SH2D4A: variants seen among roughly 807,000 people sequenced by gnomAD.
The protein encoded by SH2D4A is SH2 domain containing 4A.
In SH2D4A, 70 loss-of-function variants were observed where a neutral mutation model predicts 64.7. That is an observed-to-expected ratio of 1.08 (90% CI 0.89 to 1.32). The LOEUF (loss-of-function observed/expected upper bound fraction) is 1.32. Among genes scored for constraint, SH2D4A ranks in the 40% most tolerant of loss-of-function variants. The pLI, the probability that SH2D4A is intolerant of heterozygous loss-of-function variation, is 0.00. For synonymous variants in SH2D4A, 268 were observed against 200.7 expected (o/e 1.34, Z -2.83); for missense variants, 706 against 540.1 (o/e 1.31, Z -3.04).
At position 19,340,232 on chromosome 8, in the gene SH2D4A, G is replaced by A. The variant is rs78385310; in HGVS notation, c.513+5375G>A. Among the ~76,000 whole-genome samples the A allele has an allele frequency of 5.8e-3, 880 of 152,218 alleles. 10 individuals are homozygous for A. The highest frequency in any genetic ancestry group is 0.02 in the African/African-American group (833 of 41,534). ...GTGCAGAAGCAGGGAAAGCATTGTC[G>A]GGGGGTGGGGCAGGGCCAGGCAAGA... On this transcript the variant is annotated intron_variant, in intron 4 of 9. Coordinates refer to ENST00000265807, the MANE Select transcript of SH2D4A (RefSeq NM_022071.4).
chr8:19,339,255 G>C (rs1286044886), intron 4 of SH2D4A, among the ~76,000 whole-genome samples: 1 of 152,182 alleles, frequency 6.6e-6, no homozygotes, highest in East Asian at 1.9e-4. Flanking sequence ...CAGCTAATTA[G>C]ATGGTGCCCA....
chr8:19,387,327 T>C (rs978573597), intron 8 of SH2D4A, among the ~76,000 whole-genome samples: 1 of 115,364 alleles, frequency 8.7e-6, no homozygotes, highest in Non-Finnish European at 1.8e-5. Flanking sequence ...ACCCAGCTAA[T>C]AGTTTTTGTT....
intron 8 of SH2D4A, among the ~76,000 whole-genome samples, chr8:19,381,123 C>T (rs1340131819): frequency 2.6e-5 from 4 of 151,640 alleles, no homozygotes; most frequent in South Asian, 2.1e-4. Context: ...GATCTTTGCT[C>T]ACTGCAACCT....
intron 2 of SH2D4A, among the ~76,000 whole-genome samples, chr8:19,327,475 A>T (rs2117193300): frequency 6.6e-6 from 1 of 152,324 alleles, no homozygotes; most frequent in East Asian, 1.9e-4. Flanking sequence ...GCTTACAGAA[A>T]TGGGGTTCTG....
intron 4 of SH2D4A, among the ~76,000 whole-genome samples, 153 bp downstream of exon 4, chr8:19,335,010 A>G (rs1045795349): frequency 1.6e-4 from 25 of 152,048 alleles, no homozygotes; most frequent in Non-Finnish European, 2.5e-4. Context: ...CAGGGCAGGC[A>G]CGGTGGCTCA....
chr8:19,348,830 G>A (rs2052653693), intron 4 of SH2D4A, among the ~76,000 whole-genome samples: 1 of 152,120 alleles, frequency 6.6e-6, no homozygotes. Context: ...TGAGTAGGCG[G>A]GGTTGAGAAG....
intron 3 of SH2D4A, among the ~76,000 whole-genome samples, chr8:19,334,260 A>G (rs935977978): frequency 1.3e-5 from 2 of 152,202 alleles, no homozygotes; most frequent in Non-Finnish European, 2.9e-5. Context: ...TGGACTTTCA[A>G]GGGCTGGGAT....
chr8:19,390,413 C>T (rs1413393333), intron 8 of SH2D4A, among the ~76,000 whole-genome samples: 1 of 152,082 alleles, frequency 6.6e-6, no homozygotes, highest in African/African-American at 2.4e-5. Context: ...CAATATCTAA[C>T]ATTAGATTTT....
intron 8 of SH2D4A, among the ~76,000 whole-genome samples, chr8:19,385,074 C>G (rs960681044): frequency 6.6e-6 from 1 of 152,166 alleles, no homozygotes; most frequent in African/African-American, 2.4e-5. Flanking sequence ...TTGTGGCTGT[C>G]TTTTGCTGTC....
chr8:19,366,017 A>T (rs11998085), intron 7 of SH2D4A, among the ~76,000 whole-genome samples: 15,091 of 150,950 alleles, frequency 0.1, 2,322 homozygotes, highest in African/African-American at 0.33. Context: ...CATATGTACA[A>T]CTATATATAT....
intron 1 of SH2D4A, among the ~76,000 whole-genome samples, chr8:19,314,571 C>A: frequency 6.6e-6 from 1 of 152,200 alleles, no homozygotes; most frequent in African/African-American, 2.4e-5. Context: ...TGTAGGTTTT[C>A]TGAGTTGTCT....
At chr8:19,318,797 A>G (rs1326740964) in intron 1 of SH2D4A, among the ~76,000 whole-genome samples, 2 of 152,128 alleles carry the variant, frequency 1.3e-5, no homozygotes, top group Non-Finnish European at 2.9e-5. Context: ...TTGTTTATTT[A>G]ATGCTACTTT....
At chr8:19,390,271 C>A (rs1331585560) in intron 8 of SH2D4A, among the ~76,000 whole-genome samples, 1 of 152,138 alleles carries the variant, frequency 6.6e-6, no homozygotes, top group Non-Finnish European at 1.5e-5. Flanking sequence ...ATCCCAGCTA[C>A]ACAGGAGGCT....
At chr8:19,325,676 C>A (rs945905104) in intron 2 of SH2D4A, among the ~76,000 whole-genome samples, 1 of 152,188 alleles carries the variant, frequency 6.6e-6, no homozygotes, top group African/African-American at 2.4e-5. Flanking sequence ...TTCTATACTG[C>A]CCTCTGCTTC....
intron 4 of SH2D4A, 104 bp downstream of exon 4, chr8:19,334,961 G>C (rs2052421643): frequency 7.5e-7 from 1 of 1,327,876 alleles, no homozygotes; most frequent in Non-Finnish European, 1.0e-6. Context: ...TCCTCCAGTG[G>C]CTTTCTTGGG....
chr8:19,390,207 C>G (rs563393155), intron 8 of SH2D4A, among the ~76,000 whole-genome samples: 29 of 152,184 alleles, frequency 1.9e-4, no homozygotes, highest in African/African-American at 6.3e-4. Flanking sequence ...ATGGTAAAAC[C>G]CTATCTCTGC....
intron 4 of SH2D4A, among the ~76,000 whole-genome samples, chr8:19,353,967 C>T (rs2052750056): frequency 6.7e-6 from 1 of 149,720 alleles, no homozygotes; most frequent in Non-Finnish European, 1.5e-5. Flanking sequence ...TAGAAGGATT[C>T]ATCTCTCGAG....
intron 4 of SH2D4A, among the ~76,000 whole-genome samples, chr8:19,350,782 G>A (rs1043659295): frequency 3.3e-5 from 5 of 152,138 alleles, no homozygotes; most frequent in East Asian, 3.9e-4. Flanking sequence ...CGCAGCAGCC[G>A]ACAATGTTTA....
At chr8:19,371,933 G>T (rs923442115) in intron 7 of SH2D4A, among the ~76,000 whole-genome samples, 6 of 151,980 alleles carry the variant, frequency 3.9e-5, no homozygotes, top group Non-Finnish European at 7.4e-5. Context: ...TTTTTGAATT[G>T]ACTCTGTTCT....
Sources: gnomAD v4.1 joint callset for allele counts (sites outside exome capture counted in the v4.1 genomes callset) on GRCh38, gnomAD v4.1.1 for gene constraint, MANE v1.5 for transcripts, NCBI Gene and HGNC (gene_info 2026-07-23, HGNC 2026-07-21) for gene names.